The following ZYG11A variants were observed in gnomAD, a reference collection of about 807,000 sequenced individuals.
ZYG11A encodes protein zyg-11 homolog A.
Under a neutral mutation model 77.2 loss-of-function variants are expected in ZYG11A, and 62 were observed. The observed-to-expected ratio is 0.80, with a 90% confidence interval of 0.65 to 0.99. ZYG11A has a LOEUF of 0.99. ZYG11A is among the 50% of genes least tolerant of loss of function. ZYG11A has a pLI of 0.00. For missense variants in ZYG11A, 828 were observed against 896.8 expected (o/e 0.92, Z 0.98); for synonymous variants, 315 against 324.6 (o/e 0.97, Z 0.32).
rs1646596838 is a variant in ZYG11A, at chr1:52,894,789, A to C, written c.*1832A>C. On this transcript the variant is annotated 3_prime_UTR_variant, in exon 14 of 14. Transcript: ENST00000371528. ...GTACTGTATTTTTTCACACTCTTGCATGATTCCAAAAGGATATCTTCCTGA... is the reference window on the plus strand; with the variant it reads ...GTACTGTATTTTTTCACACTCTTGCCTGATTCCAAAAGGATATCTTCCTGA... The C allele has an allele frequency of 6.6e-6, 1 of 152,244 alleles. No homozygotes were observed. The highest frequency in any genetic ancestry group is 2.1e-4 in the South Asian group (1 of 4,828). 9.4% of individuals were successfully genotyped at this position (152,244 alleles called of 1,614,324 possible).
intron 8 of ZYG11A, among the ~76,000 whole-genome samples, chr1:52,869,925 C>A (rs1310236715): frequency 6.8e-6 from 1 of 147,976 alleles, no homozygotes; most frequent in African/African-American, 2.5e-5. Context: ...CCCCCCACAC[C>A]TCCCTCCCAG....
intron 8 of ZYG11A, among the ~76,000 whole-genome samples, chr1:52,870,456 G>C (rs1646135271): frequency 6.6e-6 from 1 of 152,226 alleles, no homozygotes; most frequent in Admixed American, 6.5e-5. Flanking sequence ...TCCCAGACAG[G>C]GCGGCGGCCG....
intron 1 of ZYG11A, among the ~76,000 whole-genome samples, chr1:52,849,027 T>C (rs943607384): frequency 2.6e-5 from 4 of 152,180 alleles, no homozygotes; most frequent in Admixed American, 6.5e-5. Context: ...TATTTTTTGT[T>C]AAAATATTCT....
chr1:52,843,688 C>CTTTTTTTTTTTTTTTT (rs71044427), intron 1 of ZYG11A, among the ~76,000 whole-genome samples: 4 of 130,516 alleles, frequency 3.1e-5, no homozygotes, highest in African/African-American at 5.9e-5. Flanking sequence ...TTCTTTCTTT[C>CTTTTTTTTTTTTTTTT]TTTTTTTTTT....
intron 11 of ZYG11A, among the ~76,000 whole-genome samples, chr1:52,884,812 G>T (rs1048579214): frequency 1.3e-5 from 2 of 152,126 alleles, no homozygotes; most frequent in Non-Finnish European, 2.9e-5. Context: ...TTGTTTATGG[G>T]GTTGCCCAGT....
chr1:52,849,406 C>G (rs976398391), intron 1 of ZYG11A, among the ~76,000 whole-genome samples: 14 of 152,056 alleles, frequency 9.2e-5, no homozygotes, highest in South Asian at 6.2e-4. Context: ...CTCTGTCGCT[C>G]AGGCTGGAGT....
chr1:52,878,270 C>G (rs1296027598), intron 10 of ZYG11A, among the ~76,000 whole-genome samples: 1 of 152,136 alleles, frequency 6.6e-6, no homozygotes, highest in Admixed American at 6.6e-5. Flanking sequence ...TGTGGGGTCA[C>G]TTATGTAGCT....
chr1:52,884,175 C>T (rs375695329), intron 11 of ZYG11A, among the ~76,000 whole-genome samples: 4 of 151,624 alleles, frequency 2.6e-5, no homozygotes, highest in Non-Finnish European at 4.4e-5. Flanking sequence ...GCACTGCACC[C>T]GGCCAATAAA....
intron 2 of ZYG11A, 77 bp downstream of exon 2, chr1:52,854,707 T>C (rs1645776788): frequency 2.3e-6 from 3 of 1,303,258 alleles, no homozygotes; most frequent in Non-Finnish European, 3.1e-6. Context: ...ACAATTTCTA[T>C]TGTGATTCTC....
intron 8 of ZYG11A, among the ~76,000 whole-genome samples, chr1:52,872,739 C>T (rs1377330456): frequency 6.6e-6 from 1 of 150,658 alleles, no homozygotes; most frequent in African/African-American, 2.4e-5. Context: ...AAAAATTAGC[C>T]CGGCATGGTG....
intron 3 of ZYG11A, among the ~76,000 whole-genome samples, chr1:52,859,458 C>T (rs997714166): frequency 1.3e-5 from 2 of 151,826 alleles, no homozygotes; most frequent in African/African-American, 2.4e-5. Flanking sequence ...GCCTCAGGCT[C>T]CAGAGTAGCT....
chr1:52,884,603 G>A (rs542334244), intron 11 of ZYG11A, among the ~76,000 whole-genome samples: 4 of 152,198 alleles, frequency 2.6e-5, no homozygotes, highest in South Asian at 2.1e-4. Flanking sequence ...ACAGTGAGCC[G>A]AGATCGTGCC....
At chr1:52,872,442 C>T (rs1348510778) in intron 8 of ZYG11A, among the ~76,000 whole-genome samples, 1 of 152,064 alleles carries the variant, frequency 6.6e-6, no homozygotes, top group East Asian at 1.9e-4. Flanking sequence ...TGATAATACA[C>T]CAGCCACCCA....
rs757213393 is a variant in ZYG11A at position 52,881,663 on chromosome 1, C to T, written c.1942C>T (p.Leu648=). The change falls in exon 11 of 14, where the codon CTG becomes TTG. Residue 648 remains leucine (L), a splice_region_variant and synonymous_variant. Coordinates refer to ENST00000371528, the MANE Select transcript of ZYG11A (RefSeq NM_001004339.3). ...DFQRRTLLQD[L]HATIQNWPSS... ...CCAGAGGCGTACTCTTCTCCAAGAT[C>T]TGGTACAGGAACCACATTCTTATTT... 7.5e-5 allele frequency: 116 copies of T among 1,548,014 alleles called. No individual in the cohort carries two copies. Among genetic ancestry groups the T allele is most frequent in the Admixed American group, 9.9e-5 (5 of 50,416 alleles).
At chr1:52,865,467 G>A (rs1646007811) in intron 5 of ZYG11A, among the ~76,000 whole-genome samples, 1 of 152,014 alleles carries the variant, frequency 6.6e-6, no homozygotes, top group Non-Finnish European at 1.5e-5. Flanking sequence ...TCCACTCCTA[G>A]GTATTTACTG....
At chr1:52,844,744 G>A (rs11805798) in intron 1 of ZYG11A, among the ~76,000 whole-genome samples, 2,190 of 151,676 alleles carry the variant, frequency 0.014, 64 homozygotes, top group African/African-American at 0.051. Context: ...TGGGATTACA[G>A]GCATGAGCCA....
At chr1:52,849,626 T>G (rs1645666083) in intron 1 of ZYG11A, among the ~76,000 whole-genome samples, 2 of 149,920 alleles carry the variant, frequency 1.3e-5, no homozygotes, top group African/African-American at 4.9e-5. Flanking sequence ...CCTCGGCCTC[T>G]AAGCGTGCTG....
In ZYG11A at chr1:52,892,848, A is replaced by G. The variant is rs1232064061; in HGVS notation, c.2171A>G (p.His724Arg). 1.3e-6 allele frequency: 2 copies of G among 1,551,730 alleles called. No homozygotes were observed. Among genetic ancestry groups the G allele is most frequent in the East Asian group, 4.9e-5 (2 of 40,914 alleles). The change falls in exon 14 of 14, where the codon CAC becomes CGC. Residue 724 changes from histidine to arginine, a missense_variant. His to Arg is a conservative substitution (Grantham distance 29). Coordinates refer to ENST00000371528, the MANE Select transcript of ZYG11A (RefSeq NM_001004339.3). ...GLQLLCDIQE[H>R]SEATPKAQQI... ...CAGCTTTTGTGTGATATCCAGGAGC[A>G]CAGTGAGGCAACCCCCAAAGCACAG...
At chr1:52,846,346 ATATATATATATATATATATAT>A (rs1645582617) in intron 1 of ZYG11A, among the ~76,000 whole-genome samples, 2 of 90,284 alleles carry the variant, frequency 2.2e-5, no homozygotes, top group African/African-American at 7.3e-5. Flanking sequence ...ATATATATAT[ATATATATATATATATATATAT>A]TTTGAAACAG....
Sources: allele counts gnomAD v4.1 joint callset (sites outside exome capture counted in the v4.1 genomes callset), GRCh38; gene constraint gnomAD v4.1.1; transcripts MANE v1.5; gene names NCBI Gene and HGNC (gene_info 2026-07-23, HGNC 2026-07-21).